SLC16A2: variants seen among roughly 807,000 people sequenced by gnomAD.
SLC16A2 encodes solute carrier family 16 member 2.
A neutral mutation model predicts 27.2 loss-of-function variants in SLC16A2; 3 were observed. That is an observed-to-expected ratio of 0.11 (90% CI 0.05 to 0.28). SLC16A2 has a LOEUF of 0.28. Ranked by LOEUF, SLC16A2 falls within the 10% of genes least tolerant of loss-of-function variation. The pLI is 1.00. For synonymous variants in SLC16A2, 202 were observed against 187.8 expected, an observed-to-expected ratio of 1.08 and a Z score of -0.62; for missense variants, 295 against 458.5, an observed-to-expected ratio of 0.64 and a Z score of 3.26.
rs748971860 is a variant in SLC16A2, at chrX:74,476,873, G to C, written c.431-44117G>C. ...AGCTTTTTGATGTGCTGCTGGATTTGGTTTGCCAGTATTTTATTGAGGATT... is the reference window on the plus strand; with the variant it reads ...AGCTTTTTGATGTGCTGCTGGATTTCGTTTGCCAGTATTTTATTGAGGATT... On this transcript the variant is annotated intron_variant, in intron 1 of 5. Coordinates refer to ENST00000587091, the MANE Select transcript of SLC16A2 (RefSeq NM_006517.5). 12 of 111,636 alleles carry C rather than the reference G, an allele frequency of 1.1e-4. 1 individual carries two copies. In the East Asian group the frequency reaches 3.4e-3, roughly 31 times the overall value. The allele number at this position is 111,636 out of a possible 1,213,427, so 9.2% of individuals were successfully genotyped here. A position where few individuals can be genotyped will look rare whatever the true frequency, so the allele number is the denominator to read the frequency against.
At chrX:74,427,312 C>A (rs774823972) in intron 1 of SLC16A2, among the ~76,000 whole-genome samples, 29 of 111,674 alleles carry the variant, frequency 2.6e-4, no homozygotes, top group Non-Finnish European at 5.1e-4. Context: ...CTCAGGGCCA[C>A]TGCCTGGATC....
At chrX:74,526,494 CCCT>C (rs1462624465) in intron 4 of SLC16A2, among the ~76,000 whole-genome samples, 1 of 112,271 alleles carries the variant, frequency 8.9e-6, no homozygotes, top group Admixed American at 9.4e-5. Flanking sequence ...GCCCCAAGTG[CCCT>C]CCTAAGTACC....
chrX:74,487,806 G>T (rs940375315), intron 1 of SLC16A2, among the ~76,000 whole-genome samples: 13 of 108,710 alleles, frequency 1.2e-4, no homozygotes, highest in African/African-American at 3.7e-4. Context: ...ATAATTGTTG[G>T]TTTTTTTTTC....
At chrX:74,479,090 G>A (rs945170843) in intron 1 of SLC16A2, among the ~76,000 whole-genome samples, 1 of 111,945 alleles carries the variant, frequency 8.9e-6, no homozygotes, top group African/African-American at 3.2e-5. Context: ...TTCCAACTTG[G>A]TTCCATTCTC....
intron 1 of SLC16A2, among the ~76,000 whole-genome samples, chrX:74,480,475 A>C (rs973012307): frequency 1.2e-4 from 13 of 112,157 alleles, no homozygotes; most frequent in African/African-American, 4.2e-4. Flanking sequence ...GGCTCAGTGC[A>C]CTGCACCCAC....
chrX:74,442,670 A>G (rs1222103204), intron 1 of SLC16A2, among the ~76,000 whole-genome samples: 1 of 112,294 alleles, frequency 8.9e-6, no homozygotes, highest in Non-Finnish European at 1.9e-5. Flanking sequence ...AAGACCCTCC[A>G]AGAGGTCCAG....
chrX:74,517,936 G>T (rs992919347), intron 1 of SLC16A2, among the ~76,000 whole-genome samples: 2 of 112,012 alleles, frequency 1.8e-5, no homozygotes, highest in Non-Finnish European at 3.8e-5. Context: ...CTTTGAGATT[G>T]TTCAAGTTTC....
In SLC16A2 at chrX:74,499,738, G is replaced by A. The variant is rs1312632346; in HGVS notation, c.431-21252G>A. The stretch of plus-strand genomic sequence containing the variant: ...CAAAGTGCTGGGATTACAGGTGTGA[G>A]CCACCACGCCCCATCATCTCTTGTA... On this transcript the variant is annotated intron_variant, in intron 1 of 5. Coordinates refer to ENST00000587091, the MANE Select transcript of SLC16A2 (RefSeq NM_006517.5). Among the ~76,000 whole-genome samples, 3 of 111,699 alleles carry A rather than the reference G, an allele frequency of 2.7e-5. No homozygotes were observed. The Admixed American group carries it at 2.8e-4, about 11-fold the overall frequency.
At chrX:74,520,947 A>G in intron 1 of SLC16A2, 43 bp from the exon 2 acceptor site, 1 of 1,205,873 alleles carries the variant, frequency 8.3e-7, no homozygotes, top group Non-Finnish European at 1.1e-6. Context: ...ACCACCAGGC[A>G]CTACACTAAG....
At chrX:74,502,148 T>C (rs1176368947) in intron 1 of SLC16A2, among the ~76,000 whole-genome samples, 1 of 111,447 alleles carries the variant, frequency 9.0e-6, no homozygotes, top group African/African-American at 3.3e-5. Flanking sequence ...GGTGATATCA[T>C]TTAATCTTCC....
chrX:74,530,483 A>G (rs1236485916), intron 5 of SLC16A2, among the ~76,000 whole-genome samples: 1 of 111,979 alleles, frequency 8.9e-6, no homozygotes, highest in Admixed American at 9.4e-5. Context: ...AGTTAATTCA[A>G]CAAATATTCT....
At chrX:74,481,264 T>A (rs1441502529) in intron 1 of SLC16A2, among the ~76,000 whole-genome samples, 2 of 112,172 alleles carry the variant, frequency 1.8e-5, no homozygotes, top group Non-Finnish European at 3.8e-5. Flanking sequence ...TTCTAGAAGA[T>A]TTTGTGAAGG....
chrX:74,531,733 C>T lies in SLC16A2; in HGVS notation c.*180C>T, dbSNP rs552962765. The T allele has an allele frequency of 1.0e-5, 5 of 487,032 alleles. No homozygotes were observed. Among genetic ancestry groups the T allele is most frequent in the South Asian group, 5.7e-5 (2 of 34,957 alleles). The allele number at this position is 487,032 out of a possible 1,213,427, so 40.1% of individuals were successfully genotyped here. ...GTTCCAAACTCATTAACTAAATTCT[C>T]CCCAGAATGCTTTTAAATTTTCCAG... On this transcript the variant is annotated 3_prime_UTR_variant, in exon 6 of 6. Coordinates refer to ENST00000587091, the MANE Select transcript of SLC16A2 (RefSeq NM_006517.5).
intron 1 of SLC16A2, among the ~76,000 whole-genome samples, chrX:74,462,565 A>G (rs1929171239): frequency 1.8e-5 from 2 of 111,488 alleles, no homozygotes; most frequent in South Asian, 7.7e-4. Flanking sequence ...TGATCCGCCC[A>G]TCTCAGCCTC....
Position 74,502,023 on chromosome X carries a change from T to A in SLC16A2, c.431-18967T>A, listed in dbSNP as rs748007152. ...AAAACCTTGTAGTCCTTCTCAGCTA[T>A]CTCCTCTCCCCTCTGCAGACAGACT... On this transcript the variant is annotated intron_variant, in intron 1 of 5. Coordinates refer to ENST00000587091, the MANE Select transcript of SLC16A2 (RefSeq NM_006517.5). Among the ~76,000 whole-genome samples the A allele has an allele frequency of 4.5e-5, 5 of 111,711 alleles. No individual in the cohort carries two copies. The South Asian group carries it at 1.9e-3, about 43-fold the overall frequency.
chrX:74,531,389 C>T lies in SLC16A2; in HGVS notation c.1456C>T (p.Pro486Ser), dbSNP rs2147350833. The change falls in exon 6 of 6, where the codon CCC (proline) becomes TCC (serine). Residue 486 changes from proline (P) to serine (S), a missense_variant. Physicochemically the swap from Pro to Ser is moderately conservative, Grantham distance 74. Coordinates refer to ENST00000587091, the MANE Select transcript of SLC16A2 (RefSeq NM_006517.5). ...TGTGGCCTTCTACTTTGCCGGTGTG[C>T]CCCCCATCATCGGGGCTGTAATCCT... is the stretch of plus-strand genomic sequence containing the variant. Reference protein sequence around the residue: ...YHVAFYFAGVPPIIGAVILFF... With the variant: ...YHVAFYFAGVSPIIGAVILFF... The T allele has an allele frequency of 8.3e-7, 1 of 1,211,165 alleles. No individual in the cohort carries two copies. Among genetic ancestry groups the T allele is most frequent in the Non-Finnish European group, 1.1e-6 (1 of 894,788 alleles).
chrX:74,430,328 C>T (rs897689438), intron 1 of SLC16A2, among the ~76,000 whole-genome samples: 4 of 111,819 alleles, frequency 3.6e-5, no homozygotes, highest in Non-Finnish European at 7.5e-5. Flanking sequence ...GCTTTTAGAC[C>T]TCACCTAAGA....
intron 1 of SLC16A2, among the ~76,000 whole-genome samples, chrX:74,451,474 T>A (rs1440938456): frequency 8.9e-6 from 1 of 112,420 alleles, no homozygotes; most frequent in Non-Finnish European, 1.9e-5. Context: ...CTGTGTGAGA[T>A]TATTCAGACT....
Position 74,421,553 on chromosome X carries a change from G to A in SLC16A2, c.-85G>A, listed in dbSNP as rs770195814. 1.3e-5 allele frequency: 15 copies of A among 1,121,673 alleles called. No individual in the cohort carries two copies. The East Asian group carries it at 2.2e-4, about 16-fold the overall frequency. 92.4% of individuals were successfully genotyped at this position (1,121,673 alleles called of 1,213,427 possible). A position where few individuals can be genotyped will look rare whatever the true frequency, so the allele number is the denominator to read the frequency against. On this transcript the variant is annotated 5_prime_UTR_variant, in exon 1 of 6. Transcript: ENST00000587091. ...GCGGCAGCGGCAGCAGCAGCCCTCC[G>A]AGCAGCAGCAGCTGCAGCAGCAGAA...
Sources: allele counts gnomAD v4.1 joint callset (sites outside exome capture counted in the v4.1 genomes callset), GRCh38; gene constraint gnomAD v4.1.1; transcripts MANE v1.5; gene names NCBI Gene and HGNC (gene_info 2026-07-23, HGNC 2026-07-21).